KRT40: variants seen among roughly 807,000 people sequenced by gnomAD.
KRT40 encodes keratin, type I cytoskeletal 40.
In KRT40, 47 loss-of-function variants were observed where a neutral mutation model predicts 43.5. The ratio of observed to expected loss-of-function variants is 1.08; its 90% CI spans 0.86 to 1.38. KRT40 has a LOEUF of 1.38. Ranked by LOEUF, KRT40 falls within the 40% of genes most tolerant of loss-of-function variation. The pLI, the probability that KRT40 is intolerant of heterozygous loss-of-function variation, is 0.00. For missense variants in KRT40, 573 were observed against 523.6 expected (o/e 1.09, Z -0.92); for synonymous variants, 212 against 214.0 (o/e 0.99, Z 0.08).
chr17:40,979,070 C>T (rs8068223), intron 5 of KRT40, 46 bp from the exon 6 acceptor site: 424,822 of 1,480,906 alleles, frequency 0.29, 67,581 homozygotes, highest in African/African-American at 0.67. Context: ...TGCAGTCTCT[C>T]GGGCCAGAGT....
In KRT40 at chr17:40,984,056, A is replaced by G. The variant is rs1297333270; in HGVS notation, c.218T>C (p.Leu73Ser). 2 of 1,614,060 alleles carry G rather than the reference A, an allele frequency of 1.2e-6. No individual in the cohort carries two copies. The highest frequency in any genetic ancestry group is 1.7e-5 in the Admixed American group (1 of 59,990). The change falls in exon 1 of 7, where the codon TTG (leucine) becomes TCG (serine). Residue 73 changes from leucine to serine, a missense_variant. Leu to Ser is a moderately radical substitution (Grantham distance 145). Transcript: ENST00000377755. Reference sequence around the variant, plus strand: ...CTCACACCAGGCACAGTTCCCCACCAAGCAGGGACTATTACAACTCCCAGT... The same window carrying G: ...CTCACACCAGGCACAGTTCCCCACCGAGCAGGGACTATTACAACTCCCAGT... ...YFTGSCNSPC[L>S]VGNCAWCEDG...
intron 6 of KRT40, among the ~76,000 whole-genome samples, chr17:40,978,547 T>A (rs1038838423): frequency 6.6e-6 from 1 of 152,228 alleles, no homozygotes; most frequent in Non-Finnish European, 1.5e-5. Flanking sequence ...TATTCCTGAT[T>A]TTCCTTTAGT....
chr17:40,982,013 G>A (rs1912187460), intron 3 of KRT40, among the ~76,000 whole-genome samples: 1 of 152,054 alleles, frequency 6.6e-6, no homozygotes. Flanking sequence ...CGAGTAGCTA[G>A]GACTACAGGC....
chr17:40,977,920 C>T lies in KRT40; in HGVS notation c.*277G>A, dbSNP rs888784163. On this transcript the variant is annotated 3_prime_UTR_variant, in exon 7 of 7. Transcript: ENST00000377755. ...TGCCATAAAATGAATATTCTATCAA[C>T]AGTAATCAGCCATAGAGCTATATTT... The T allele has an allele frequency of 7.1e-6, 2 of 282,454 alleles. No individual in the cohort carries two copies. Among genetic ancestry groups the T allele is most frequent in the African/African-American group, 2.1e-5 (1 of 46,748 alleles). The allele number at this position is 282,454 out of a possible 1,614,324, so 17.5% of individuals were successfully genotyped here.
Position 40,979,029 on chromosome 17 carries a change from G to T in KRT40, c.976-5C>A, listed in dbSNP as rs771961095. 1 of 1,610,354 alleles carries T rather than the reference G, an allele frequency of 6.2e-7. No homozygotes were observed. The highest frequency in any genetic ancestry group is 8.5e-7 in the Non-Finnish European group (1 of 1,177,026). On this transcript the variant is annotated splice_region_variant and splice_polypyrimidine_tract_variant and intron_variant, in intron 5 of 6. Coordinates refer to ENST00000377755, the MANE Select transcript of KRT40 (RefSeq NM_001389244.1). ...GGTGCATTCCAGAGATTCTGTCTGCGGGAGGAAACATTGTCCAAAGGACCA... is the reference window on the plus strand; with the variant it reads ...GGTGCATTCCAGAGATTCTGTCTGCTGGAGGAAACATTGTCCAAAGGACCA...
intron 5 of KRT40, 72 bp downstream of exon 5, chr17:40,980,713 A>G (rs943812107): frequency 2.0e-6 from 3 of 1,499,836 alleles, no homozygotes; most frequent in Non-Finnish European, 2.7e-6. Flanking sequence ...ATCCTCGGAT[A>G]TGGAAGAGGG....
upstream of KRT40, among the ~76,000 whole-genome samples, chr17:40,984,496 G>A (rs1347358697): frequency 1.3e-5 from 2 of 152,098 alleles, no homozygotes; most frequent in Non-Finnish European, 2.9e-5. Context: ...GATAACTTTA[G>A]GTTACCAAAG....
rs1911961368 is a variant in KRT40 at position 40,978,959 on chromosome 17, A to T, written c.1041T>A (p.Ile347=). Residue 347 remains isoleucine, a synonymous_variant, in exon 6 of 7, where the codon ATT becomes ATA. Coordinates refer to ENST00000377755, the MANE Select transcript of KRT40 (RefSeq NM_001389244.1). Reference sequence around the variant, plus strand: ...TCTCCAGGTTATCGATCAGACACTGAATTTGGGCCAGCTGGGAGCTGTACT... The same window carrying T: ...TCTCCAGGTTATCGATCAGACACTGTATTTGGGCCAGCTGGGAGCTGTACT... The part of the protein sequence containing the change: ...EAQYSSQLAQ[I]QCLIDNLENQ... 1.9e-6 allele frequency: 3 copies of T among 1,613,956 alleles called. No individual in the cohort carries two copies. Among genetic ancestry groups the T allele is most frequent in the Non-Finnish European group, 1.7e-6 (2 of 1,180,018 alleles).
upstream of KRT40, among the ~76,000 whole-genome samples, chr17:40,985,882 G>A (rs952113721): frequency 2.0e-5 from 3 of 152,314 alleles, no homozygotes; most frequent in Admixed American, 2.0e-4. Context: ...GAAAACCCAT[G>A]TTTTGGTTGT....
intron 1 of KRT40, among the ~76,000 whole-genome samples, chr17:40,983,433 C>A (rs1352313114): frequency 2.0e-5 from 3 of 152,082 alleles, no homozygotes; most frequent in Non-Finnish European, 2.9e-5. Flanking sequence ...TGAGTATATC[C>A]TCTCCCATAA....
upstream of KRT40, among the ~76,000 whole-genome samples, chr17:40,984,748 T>C (rs1912387647): frequency 6.6e-6 from 1 of 152,184 alleles, no homozygotes; most frequent in Non-Finnish European, 1.5e-5. Context: ...ATTATTTGTT[T>C]GTGCCACCAC....
upstream of KRT40, chr17:40,986,236 G>C (rs1407689091): frequency 6.7e-6 from 1 of 149,218 alleles, no homozygotes; most frequent in Non-Finnish European, 1.5e-5. Flanking sequence ...TGCACAATGT[G>C]ATAAATAAAT....
chr17:40,981,384 A>G, intron 3 of KRT40: 1 of 755,048 alleles, frequency 1.3e-6, no homozygotes, highest in Non-Finnish European at 2.3e-6. Flanking sequence ...GATCTAGAAG[A>G]GTCAATCTAC....
chr17:40,982,696 A>G (rs1912243490), intron 2 of KRT40, among the ~76,000 whole-genome samples: 1 of 152,130 alleles, frequency 6.6e-6, no homozygotes. Context: ...AGAGAGAGCC[A>G]TAAGTTATTT....
At chr17:40,984,362 C>A (rs1026052359), upstream of KRT40, 6 of 986,714 alleles carry the variant, frequency 6.1e-6, no homozygotes, top group African/African-American at 6.5e-5. Context: ...TATAACCCCC[C>A]AAAATGGGTG....
Position 40,983,969 on chromosome 17 carries a change from C to T in KRT40, c.305G>A (p.Ser102Asn), listed in dbSNP as rs1510068. ...TMQFLNDRLA[S>N]YLEKVRSLEE... is the part of the protein sequence containing the mutation. The stretch of plus-strand genomic sequence containing the variant: ...CAGGCTGCGCACCTTCTCCAGATAG[C>T]TGGCGAGTCTGTCATTCAGGAACTG... The change falls in exon 1 of 7, where the codon AGC (serine) becomes AAC (asparagine). Residue 102 changes from serine (S) to asparagine (N), a missense_variant. Transcript: ENST00000377755. 462,380 of 1,613,682 alleles carry T rather than the reference C, an allele frequency of 0.29. 72,193 individuals carry two copies. The highest frequency in any genetic ancestry group is 0.63 in the African/African-American group (47,099 of 74,842).
intron 3 of KRT40, among the ~76,000 whole-genome samples, chr17:40,982,023 C>T (rs540203737): frequency 1.8e-4 from 27 of 151,998 alleles, no homozygotes; most frequent in South Asian, 6.2e-4. Context: ...GGACTACAGG[C>T]GCCTGCCACC....
chr17:40,977,934 A>G lies in KRT40; in HGVS notation c.*263T>C, dbSNP rs951658105. 4 of 353,424 alleles carry G rather than the reference A, an allele frequency of 1.1e-5. No individual in the cohort carries two copies. The highest frequency in any genetic ancestry group is 4.1e-5 in the African/African-American group (2 of 49,200). The allele number at this position is 353,424 out of a possible 1,614,324, so 21.9% of individuals were successfully genotyped here. A position where few individuals can be genotyped will look rare whatever the true frequency, so the allele number is the denominator to read the frequency against. ...TATTCTATCAACAGTAATCAGCCAT[A>G]GAGCTATATTTACCACGCTAAAGGA... On this transcript the variant is annotated 3_prime_UTR_variant, in exon 7 of 7. Coordinates refer to ENST00000377755, the MANE Select transcript of KRT40 (RefSeq NM_001389244.1).
rs1047722583 is a variant in KRT40, at chr17:40,983,912, A to G, written c.362T>C (p.Ile121Thr). The G allele has an allele frequency of 1.9e-6, 3 of 1,613,992 alleles. No individual in the cohort carries two copies. Among genetic ancestry groups the G allele is most frequent in the Non-Finnish European group, 1.7e-6 (2 of 1,180,032 alleles). Reference sequence around the variant, plus strand: ...GATATCCTGTTCACATTGTTCTTGGATCCTGGATTCCAGCTCTGCGTTGGT... The same window carrying G: ...GATATCCTGTTCACATTGTTCTTGGGTCCTGGATTCCAGCTCTGCGTTGGT... ...EETNAELESR[I>T]QEQCEQDIPM... The change falls in exon 1 of 7, where the codon ATC becomes ACC. Residue 121 changes from isoleucine (I) to threonine (T), a missense_variant. Transcript: ENST00000377755.
Sources: allele counts gnomAD v4.1 joint callset (sites outside exome capture counted in the v4.1 genomes callset), GRCh38; gene constraint gnomAD v4.1.1; transcripts MANE v1.5; gene names NCBI Gene and HGNC (gene_info 2026-07-23, HGNC 2026-07-21).